SCEL: variants seen among roughly 807,000 people sequenced by gnomAD.
SCEL encodes sciellin.
SCEL carries 113 observed loss-of-function variants against 117.6 expected under a neutral mutation model. The observed-to-expected ratio is 0.96, with a 90% confidence interval of 0.83 to 1.12. SCEL has a LOEUF of 1.12. SCEL is among the 50% of genes most tolerant of loss of function. The pLI, the probability that SCEL is intolerant of heterozygous loss-of-function variation, is 0.00. For missense variants in SCEL, 785 were observed against 810.8 expected (o/e 0.97, Z 0.39); for synonymous variants, 270 against 256.2 (o/e 1.05, Z -0.51).
intron 31 of SCEL, among the ~76,000 whole-genome samples, chr13:77,642,177 C>G (rs1223493104): frequency 6.6e-6 from 1 of 151,916 alleles, no homozygotes; most frequent in Non-Finnish European, 1.5e-5. Flanking sequence ...ACTGATTGTT[C>G]TATAGCCATA....
At chr13:77,610,143 T>C (rs765371938) in intron 22 of SCEL, 37 bp downstream of exon 22, 18 of 1,476,378 alleles carry the variant, frequency 1.2e-5, no homozygotes, top group Non-Finnish European at 1.5e-5. Flanking sequence ...TCCCCCCTTT[T>C]TTTTTCCTAA....
At chr13:77,642,106 T>A (rs1378079923) in intron 31 of SCEL, among the ~76,000 whole-genome samples, 2 of 152,182 alleles carry the variant, frequency 1.3e-5, no homozygotes, top group African/African-American at 4.8e-5. Context: ...CTATTTTCAA[T>A]GTAATTTCAA....
At chr13:77,563,924 A>T in intron 5 of SCEL, 25 bp downstream of exon 5, 1 of 1,420,576 alleles carries the variant, frequency 7.0e-7, no homozygotes, top group Non-Finnish European at 9.6e-7. Flanking sequence ...AACCATATAA[A>T]TGGAATGCAT....
At chr13:77,540,491 C>G (rs1357188870) in intron 1 of SCEL, among the ~76,000 whole-genome samples, 4 of 152,076 alleles carry the variant, frequency 2.6e-5, no homozygotes, top group Admixed American at 2.0e-4. Flanking sequence ...AGGAGTGGGG[C>G]AAGTGGCGAT....
chr13:77,620,045 A>G (rs141235516), intron 27 of SCEL, among the ~76,000 whole-genome samples: 2 of 152,324 alleles, frequency 1.3e-5, no homozygotes, highest in Non-Finnish European at 2.9e-5. Context: ...TTTTCCGTAT[A>G]CAGATATGAT....
In SCEL at chr13:77,642,811, A is replaced by G; in HGVS notation, c.2050+3A>G. 1 of 1,527,656 alleles carries G rather than the reference A, an allele frequency of 6.5e-7. No individual in the cohort carries two copies. Among genetic ancestry groups the G allele is most frequent in the Non-Finnish European group, 9.0e-7 (1 of 1,109,906 alleles). 94.6% of individuals were successfully genotyped at this position (1,527,656 alleles called of 1,614,324 possible). A position where few individuals can be genotyped will look rare whatever the true frequency, so the allele number is the denominator to read the frequency against. On this transcript the variant is annotated splice_donor_region_variant and intron_variant, in intron 32 of 32. Coordinates refer to ENST00000349847, the MANE Select transcript of SCEL (RefSeq NM_144777.3). ...ACCTTGCTACTCTAAAATTATGGGT[A>G]AGTGTTACACTCTAAGCATTTAACA...
chr13:77,557,201 G>C (rs2084710193), intron 3 of SCEL, among the ~76,000 whole-genome samples: 1 of 152,130 alleles, frequency 6.6e-6, no homozygotes, highest in South Asian at 2.1e-4. Flanking sequence ...CTGGGAAGGT[G>C]GGATATATGG....
In SCEL at chr13:77,555,907, C is replaced by T. The variant is rs140695935; in HGVS notation, c.32C>T (p.Pro11Leu). The change falls in exon 2 of 33, where the codon CCC becomes CTC. Residue 11 changes from proline to leucine, a missense_variant. By Grantham distance (98) the Pro-to-Leu change is moderately conservative. Coordinates refer to ENST00000349847, the MANE Select transcript of SCEL (RefSeq NM_144777.3). MSNVTLRKMS[P>L]TGNEMKSTTQ... ...AATGTTACCTTGAGAAAAATGTCTC[C>T]CACAGGAAATGGTAATGTACATGAT... is the stretch of plus-strand genomic sequence containing the variant. 4.5e-5 allele frequency: 73 copies of T among 1,613,406 alleles called. 1 individual carries two copies. In the East Asian group the frequency reaches 1.5e-3, roughly 33 times the overall value.
intron 27 of SCEL, among the ~76,000 whole-genome samples, chr13:77,620,684 A>G (rs1286879866): frequency 6.6e-6 from 1 of 152,180 alleles, no homozygotes; most frequent in Non-Finnish European, 1.5e-5. Context: ...GGTAGCCTAT[A>G]AACTGTGTTA....
chr13:77,575,672 G>A (rs1330247615), intron 9 of SCEL, among the ~76,000 whole-genome samples: 1 of 152,118 alleles, frequency 6.6e-6, no homozygotes, highest in Non-Finnish European at 1.5e-5. Flanking sequence ...GCAAGACATG[G>A]CATGTAAAGT....
chr13:77,553,379 C>T (rs2084457356), intron 1 of SCEL, among the ~76,000 whole-genome samples: 1 of 152,112 alleles, frequency 6.6e-6, no homozygotes, highest in Non-Finnish European at 1.5e-5. Flanking sequence ...AGCATTTTGA[C>T]CACCTGAGAA....
intron 9 of SCEL, among the ~76,000 whole-genome samples, chr13:77,587,911 C>T (rs140340596): frequency 3.9e-5 from 6 of 152,208 alleles, no homozygotes; most frequent in African/African-American, 1.4e-4. Context: ...CTAATGATGG[C>T]TGTATTTATA....
chr13:77,560,551 A>T (rs2154396349), intron 4 of SCEL, among the ~76,000 whole-genome samples: 1 of 152,366 alleles, frequency 6.6e-6, no homozygotes, highest in South Asian at 2.1e-4. Flanking sequence ...TTTATGGGAC[A>T]GTACCTTTCT....
At chr13:77,613,807 A>G in intron 23 of SCEL, 86 bp from the exon 24 acceptor site, 2 of 1,005,606 alleles carry the variant, frequency 2.0e-6, no homozygotes, top group South Asian at 2.7e-5. Flanking sequence ...TTCTTACACT[A>G]GGATTCTATT....
At chr13:77,603,924 C>T (rs540392016) in intron 18 of SCEL, among the ~76,000 whole-genome samples, 18 of 152,132 alleles carry the variant, frequency 1.2e-4, no homozygotes, top group Admixed American at 3.9e-4. Context: ...AATTATGATT[C>T]TCAACATTAT....
chr13:77,637,267 TACAC>T (rs901983763), intron 30 of SCEL, 73 bp downstream of exon 30: 14 of 388,820 alleles, frequency 3.6e-5, no homozygotes, highest in African/African-American at 2.1e-4. Flanking sequence ...TATATATATA[TACAC>T]ACACACAGGC....
At chr13:77,557,464 A>G (rs1171193774) in intron 3 of SCEL, among the ~76,000 whole-genome samples, 5 of 152,246 alleles carry the variant, frequency 3.3e-5, no homozygotes, top group Admixed American at 3.3e-4. Context: ...TACTTTACAT[A>G]TAAAGCACCA....
At chr13:77,592,113 G>T (rs557023953) in intron 11 of SCEL, among the ~76,000 whole-genome samples, 1 of 152,196 alleles carries the variant, frequency 6.6e-6, no homozygotes, top group Non-Finnish European at 1.5e-5. Flanking sequence ...TCAGTCAAAA[G>T]ATTTTTATGA....
intron 15 of SCEL, among the ~76,000 whole-genome samples, chr13:77,600,935 T>G (rs188791025): frequency 2.6e-5 from 4 of 152,312 alleles, no homozygotes; most frequent in Admixed American, 2.6e-4. Context: ...AAACCAATCT[T>G]GGCGATGCAT....
Sources: allele counts gnomAD v4.1 joint callset (sites outside exome capture counted in the v4.1 genomes callset), GRCh38; gene constraint gnomAD v4.1.1; transcripts MANE v1.5; gene names NCBI Gene and HGNC (gene_info 2026-07-23, HGNC 2026-07-21).